Variants in NOVA1 observed in about 807,000 individuals in gnomAD.
The protein encoded by NOVA1 is NOVA alternative splicing regulator 1.
A neutral mutation model predicts 38.0 loss-of-function variants in NOVA1; 7 were observed. The observed-to-expected ratio is 0.18, with a 90% CI of 0.10 to 0.35. The LOEUF (loss-of-function observed/expected upper bound fraction) is 0.35, where lower values mean the gene tolerates loss of function less well. Among genes scored for constraint, NOVA1 ranks in the 10% least tolerant of loss-of-function variants. The pLI is 1.00. For synonymous variants in NOVA1, 270 were observed against 232.5 expected (o/e 1.16, Z -1.47); for missense variants, 460 against 616.0 (o/e 0.75, Z 2.68).
Position 26,523,573 on chromosome 14 carries a change from C to A in NOVA1, c.281-43430G>T, listed in dbSNP as rs149230115. Among the ~76,000 whole-genome samples, 194 of 152,240 alleles carry A rather than the reference C, an allele frequency of 1.3e-3. 1 individual carries two copies. Among genetic ancestry groups the A allele is most frequent in the Non-Finnish European group, 2.3e-3 (158 of 68,012 alleles). On this transcript the variant is annotated intron_variant, in intron 2 of 4. Transcript: ENST00000539517. Reference sequence around the variant, plus strand: ...AAGTAGTAAGACCTCCATATGCGATCTCTGTTGCAACTACTCAACTGCCAT... The same window carrying A: ...AAGTAGTAAGACCTCCATATGCGATATCTGTTGCAACTACTCAACTGCCAT...
chr14:26,560,965 C>A (rs1891783592), intron 2 of NOVA1, among the ~76,000 whole-genome samples: 1 of 152,132 alleles, frequency 6.6e-6, no homozygotes, highest in South Asian at 2.1e-4. Context: ...TCTATTACAG[C>A]AGAAGACAAC....
At chr14:26,509,905 C>G (rs1267807178) in intron 2 of NOVA1, among the ~76,000 whole-genome samples, 1 of 152,176 alleles carries the variant, frequency 6.6e-6, no homozygotes, top group Non-Finnish European at 1.5e-5. Flanking sequence ...GTCTCAAACT[C>G]CTGACCTCGG....
intron 2 of NOVA1, among the ~76,000 whole-genome samples, chr14:26,498,669 C>A (rs1383328115): frequency 6.6e-6 from 1 of 152,050 alleles, no homozygotes; most frequent in Non-Finnish European, 1.5e-5. Context: ...ACAAACACAA[C>A]CCAATTTGAC....
At position 26,498,888 on chromosome 14, in the gene NOVA1, C is replaced by G. The variant is rs546176498; in HGVS notation, c.281-18745G>C. On this transcript the variant is annotated intron_variant, in intron 2 of 4. Coordinates refer to ENST00000539517, the MANE Select transcript of NOVA1 (RefSeq NM_002515.3). ...AAGGAAGGCATCCTGCCATTTGCCA[C>G]AACTTGGGTGGAATTGGAGAATATT... Among the ~76,000 whole-genome samples the G allele has an allele frequency of 3.9e-4, 59 of 152,254 alleles. 2 individuals are homozygous for G. In the South Asian group the frequency reaches 5.8e-3, roughly 15 times the overall value.
At position 26,444,213 on chromosome 14, in the gene NOVA1, C is replaced by A. The variant is rs1881898028; in HGVS notation, c.*3746G>T. On this transcript the variant is annotated 3_prime_UTR_variant, in exon 5 of 5. Coordinates refer to ENST00000539517, the MANE Select transcript of NOVA1 (RefSeq NM_002515.3). ...TCATTGTTAAATTACTAAAATCTAC[C>A]AATTTAATGCTTTCATACTGTTTAT... 1 of 151,962 alleles carries A rather than the reference C, an allele frequency of 6.6e-6. No individual in the cohort carries two copies. The highest frequency in any genetic ancestry group is 2.4e-5 in the African/African-American group (1 of 41,370). The allele number at this position is 151,962 out of a possible 1,614,324, so 9.4% of individuals were successfully genotyped here.
chr14:26,543,304 T>C (rs1217308862), intron 2 of NOVA1, among the ~76,000 whole-genome samples: 1 of 152,024 alleles, frequency 6.6e-6, no homozygotes, highest in Non-Finnish European at 1.5e-5. Context: ...ATTAATTACT[T>C]AACAATTTTA....
intron 2 of NOVA1, among the ~76,000 whole-genome samples, chr14:26,587,831 C>A (rs924740683): frequency 1.3e-5 from 2 of 150,942 alleles, no homozygotes; most frequent in African/African-American, 4.8e-5. Flanking sequence ...TTCTGTGTTA[C>A]TGAAATGCAC....
chr14:26,583,083 G>A (rs922698829), intron 2 of NOVA1, among the ~76,000 whole-genome samples: 6 of 151,814 alleles, frequency 4.0e-5, no homozygotes, highest in South Asian at 2.1e-4. Flanking sequence ...ATAGGTATAC[G>A]CTTCAGAACA....
intron 2 of NOVA1, among the ~76,000 whole-genome samples, chr14:26,511,319 T>C (rs1187384498): frequency 6.6e-6 from 1 of 152,036 alleles, no homozygotes; most frequent in Non-Finnish European, 1.5e-5. Flanking sequence ...TATACTAACA[T>C]AGAGAAAAAA....
At chr14:26,501,018 CA>C (rs1887209428) in intron 2 of NOVA1, among the ~76,000 whole-genome samples, 2 of 151,866 alleles carry the variant, frequency 1.3e-5, no homozygotes, top group South Asian at 4.1e-4. Flanking sequence ...TTTTTATCAA[CA>C]AACTTATGTA....
intron 2 of NOVA1, among the ~76,000 whole-genome samples, chr14:26,510,051 C>T (rs1002364312): frequency 9.2e-5 from 14 of 152,080 alleles, no homozygotes; most frequent in Non-Finnish European, 1.8e-4. Flanking sequence ...CTTGAGAAAA[C>T]ATGTACCAAT....
At chr14:26,566,491 A>G (rs926025721) in intron 2 of NOVA1, among the ~76,000 whole-genome samples, 1 of 152,150 alleles carries the variant, frequency 6.6e-6, no homozygotes, top group African/African-American at 2.4e-5. Flanking sequence ...AGTAAATAAC[A>G]TATACACAGT....
At chr14:26,549,386 A>G (rs1192087436) in intron 2 of NOVA1, 1 of 142,844 alleles carries the variant, frequency 7.0e-6, no homozygotes, top group African/African-American at 2.6e-5. Context: ...ATCTTATAAT[A>G]TTGATTTGGT....
chr14:26,506,696 C>T (rs552847648), intron 2 of NOVA1, among the ~76,000 whole-genome samples: 2 of 152,162 alleles, frequency 1.3e-5, no homozygotes, highest in South Asian at 4.1e-4. Flanking sequence ...TCTCCTGTAT[C>T]AGCCTCCCAA....
rs192438063 is a variant in NOVA1, at chr14:26,498,975, T to C, written c.281-18832A>G. ...TACTGCATATTCTTACTTAGATATG[T>C]AGAATCTACCAAAAAAAGAAAGGTC... On this transcript the variant is annotated intron_variant, in intron 2 of 4. Coordinates refer to ENST00000539517, the MANE Select transcript of NOVA1 (RefSeq NM_002515.3). Among the ~76,000 whole-genome samples, 6 of 152,218 alleles carry C rather than the reference T, an allele frequency of 3.9e-5. No homozygotes were observed. In the East Asian group the frequency reaches 1.2e-3, roughly 29 times the overall value.
At chr14:26,462,479 CTG>C (rs1280906413) in intron 4 of NOVA1, among the ~76,000 whole-genome samples, 1 of 152,092 alleles carries the variant, frequency 6.6e-6, no homozygotes, top group Non-Finnish European at 1.5e-5. Context: ...TTTTATCCGA[CTG>C]TTCAAATATA....
rs370280285 is a variant in NOVA1, at chr14:26,463,101, T to C, written c.519+9219A>G. Among the ~76,000 whole-genome samples, 28 of 152,270 alleles carry C rather than the reference T, an allele frequency of 1.8e-4. 1 individual carries two copies. In the East Asian group the frequency reaches 4.3e-3, roughly 23 times the overall value. On this transcript the variant is annotated intron_variant, in intron 4 of 4. Transcript: ENST00000539517. ...TGCAGATCTAACTCAGCATTTTAAATAGCTTCACCAGATACTATTCTGCAA... is the reference window on the plus strand; with the variant it reads ...TGCAGATCTAACTCAGCATTTTAAACAGCTTCACCAGATACTATTCTGCAA...
chr14:26,508,359 T>G (rs1404030021), intron 2 of NOVA1, among the ~76,000 whole-genome samples: 1 of 152,042 alleles, frequency 6.6e-6, no homozygotes, highest in East Asian at 1.9e-4. Flanking sequence ...ATGTTCTTGC[T>G]TTCAGTAGCT....
chr14:26,557,886 TA>T (rs1213214011), intron 2 of NOVA1, among the ~76,000 whole-genome samples: 1 of 148,992 alleles, frequency 6.7e-6, no homozygotes, highest in Admixed American at 6.7e-5. Context: ...GGTGGATGGA[TA>T]AAAAAACAGT....
Sources: gnomAD v4.1 joint callset for allele counts (sites outside exome capture counted in the v4.1 genomes callset) on GRCh38, gnomAD v4.1.1 for gene constraint, MANE v1.5 for transcripts, NCBI Gene and HGNC (gene_info 2026-07-23, HGNC 2026-07-21) for gene names.